The following C1orf54 variants were observed in gnomAD, a reference collection of about 807,000 sequenced individuals.
C1orf54 encodes the protein uncharacterized protein C1orf54.
In C1orf54, 12 loss-of-function variants were observed where a neutral mutation model predicts 14.7. That is an observed-to-expected ratio of 0.82 (90% CI 0.52 to 1.32). The LOEUF is 1.32. Ranked by LOEUF, C1orf54 falls within the 40% of genes most tolerant of loss-of-function variation. C1orf54 has a pLI of 0.00. For synonymous variants in C1orf54, 65 were observed against 56.3 expected (o/e 1.16, Z -0.70); for missense variants, 163 against 162.2 (o/e 1.00, Z -0.03).
intron 2 of C1orf54, among the ~76,000 whole-genome samples, chr1:150,275,155 C>T (rs916685624): frequency 6.6e-6 from 1 of 151,614 alleles, no homozygotes; most frequent in African/African-American, 2.4e-5. Flanking sequence ...TCTCTTGCCT[C>T]AGCCTCCTAG....
At chr1:150,273,157 G>A (rs16835652) in intron 1 of C1orf54, among the ~76,000 whole-genome samples, 6,712 of 152,194 alleles carry the variant, frequency 0.044, 498 homozygotes, top group African/African-American at 0.15. Flanking sequence ...AGATGACAGG[G>A]GCTAAAGTAA....
rs1365229435 is a variant in C1orf54, at chr1:150,280,825, G to C, written c.*4-10G>C. 1 of 1,549,474 alleles carries C rather than the reference G, an allele frequency of 6.5e-7. No individual in the cohort carries two copies. Among genetic ancestry groups the C allele is most frequent in the Non-Finnish European group, 8.7e-7 (1 of 1,146,550 alleles). On this transcript the variant is annotated splice_polypyrimidine_tract_variant and intron_variant, in intron 5 of 5. Transcript: ENST00000369099. Reference sequence around the variant, plus strand: ...CTCCTTTTATTTTCTTTCTTTCTCTGCTTTTTTAGGTGGAAGAAGGCTGCT... The same window carrying C: ...CTCCTTTTATTTTCTTTCTTTCTCTCCTTTTTTAGGTGGAAGAAGGCTGCT...
At chr1:150,279,268 TAAAC>T (rs1311279964) in intron 4 of C1orf54, among the ~76,000 whole-genome samples, 13 of 152,196 alleles carry the variant, frequency 8.5e-5, no homozygotes, top group South Asian at 2.1e-4. Context: ...TAATAATAAA[TAAAC>T]AAACAAATAA....
chr1:150,274,103 T>C lies in C1orf54; in HGVS notation c.63T>C (p.Asp21=). ...VPLILGQEYE[D]EERLGEDEYY... The stretch of plus-strand genomic sequence containing the variant: ...TCCCCATAGGACAAGAATATGAGGA[T>C]GAAGAAAGACTGGGAGAGGATGAAT... Residue 21 remains aspartate (D), a synonymous_variant, in exon 2 of 6, where the codon GAT becomes GAC. Transcript: ENST00000369099. 2 of 1,611,940 alleles carry C rather than the reference T, an allele frequency of 1.2e-6. No individual in the cohort carries two copies. Among genetic ancestry groups the C allele is most frequent in the Non-Finnish European group, 1.7e-6 (2 of 1,178,100 alleles).
At chr1:150,274,191 T>G in intron 2 of C1orf54, 21 bp downstream of exon 2, 1 of 1,547,308 alleles carries the variant, frequency 6.5e-7, no homozygotes, top group Non-Finnish European at 8.9e-7. Context: ...GAAAGGCTCT[T>G]GCCCTTAGCC....
intron 1 of C1orf54, 59 bp from the exon 2 acceptor site, chr1:150,274,028 G>A (rs367852296): frequency 8.4e-7 from 1 of 1,185,004 alleles, no homozygotes; most frequent in African/African-American, 1.5e-5. Flanking sequence ...ATCTCCAGGT[G>A]TCCTTTTGTT....
upstream of C1orf54, among the ~76,000 whole-genome samples, chr1:150,271,097 T>C (rs1354207266): frequency 4.6e-5 from 7 of 151,588 alleles, no homozygotes; most frequent in Non-Finnish European, 4.4e-5. Context: ...GTAAGGTGGA[T>C]AGGAATGAGA....
intron 4 of C1orf54, among the ~76,000 whole-genome samples, chr1:150,276,863 A>G (rs376420729): frequency 7.8e-4 from 119 of 152,340 alleles, no homozygotes; most frequent in African/African-American, 2.7e-3. Context: ...GTAGTATTCA[A>G]TAGGTATGTA....
In C1orf54 at chr1:150,279,615, C is replaced by T. The variant is rs1553853088; in HGVS notation, c.301-28C>T. The T allele has an allele frequency of 7.5e-6, 12 of 1,591,064 alleles. No individual in the cohort carries two copies. The East Asian group carries it at 2.8e-4, about 37-fold the overall frequency. On this transcript the variant is annotated intron_variant, in intron 4 of 5. Coordinates refer to ENST00000369099, the MANE Select transcript of C1orf54 (RefSeq NM_024579.4). ...TGGTAGGAGGAATGACACCAGCCTA[C>T]TGTGTGGGGATGTCGGTATTTTAGC...
rs782785681 is a variant in C1orf54, at chr1:150,276,625, C to A, written c.293C>A (p.Thr98Lys). The change falls in exon 4 of 6, where the codon ACG becomes AAG. Residue 98 changes from threonine to lysine, a missense_variant. Transcript: ENST00000369099. ...CCTGTAACTGTGAAACCAGTAACAA[C>A]GGAACCTGTGAGTTGATTGGGGATT... Reference protein sequence around the residue: ...PKPVTVKPVTTEPSPDLNDAV... With the variant: ...PKPVTVKPVTKEPSPDLNDAV... 12 of 1,612,642 alleles carry A rather than the reference C, an allele frequency of 7.4e-6. No individual in the cohort carries two copies. Among genetic ancestry groups the A allele is most frequent in the South Asian group, 1.1e-5 (1 of 91,032 alleles).
chr1:150,268,966 C>A, upstream of C1orf54: 1 of 615,446 alleles, frequency 1.6e-6, no homozygotes, highest in Non-Finnish European at 2.9e-6. Flanking sequence ...AGGGGGGGAA[C>A]CGAAACCCCA....
At chr1:150,271,240 G>A (rs1652189781), upstream of C1orf54, among the ~76,000 whole-genome samples, 1 of 151,826 alleles carries the variant, frequency 6.6e-6, no homozygotes, top group Non-Finnish European at 1.5e-5. Context: ...AGCCTCCCTA[G>A]TAGCTGGGAT....
At chr1:150,276,715 CT>C (rs1465587794) in intron 4 of C1orf54, 83 bp downstream of exon 4, 1 of 1,139,822 alleles carries the variant, frequency 8.8e-7, no homozygotes, top group African/African-American at 1.5e-5. Context: ...GAATACCAGG[CT>C]TTGGTGGATG....
chr1:150,270,666 T>G (rs1434147408), upstream of C1orf54, among the ~76,000 whole-genome samples: 3 of 149,006 alleles, frequency 2.0e-5, no homozygotes, highest in Non-Finnish European at 4.5e-5. Flanking sequence ...AGAAAATATT[T>G]ACATGGAAAG....
At chr1:150,278,019 C>T (rs1352199690) in intron 4 of C1orf54, among the ~76,000 whole-genome samples, 2 of 152,138 alleles carry the variant, frequency 1.3e-5, no homozygotes, top group Admixed American at 6.5e-5. Flanking sequence ...ATCGCTTGAA[C>T]CTGGGAGGCG....
rs1553852314 is a variant in C1orf54, at chr1:150,275,723, T to A, written c.131-18T>A. ...ACATTTTTCTTTAATTATTACTGAT[T>A]TTCTTTCTCCTCTGCAGATGACTTT... On this transcript the variant is annotated intron_variant, in intron 2 of 5. Coordinates refer to ENST00000369099, the MANE Select transcript of C1orf54 (RefSeq NM_024579.4). 6.3e-7 allele frequency: 1 copy of A among 1,594,104 alleles called. No homozygotes were observed. Among genetic ancestry groups the A allele is most frequent in the Admixed American group, 1.7e-5 (1 of 59,426 alleles).
chr1:150,276,663 G>A lies in C1orf54; in HGVS notation c.300+31G>A, dbSNP rs782074662. ...TTGATTGGGGATTGGGGGCTGGGGG[G>A]AGACAGGACATCCCTAGTGACGTGG... On this transcript the variant is annotated intron_variant, in intron 4 of 5. Transcript: ENST00000369099. The A allele has an allele frequency of 5.8e-6, 9 of 1,543,900 alleles. No homozygotes were observed. In the Admixed American group the frequency reaches 1.2e-4, roughly 20 times the overall value.
At chr1:150,268,954 G>T (rs199642580), upstream of C1orf54, 5 of 655,568 alleles carry the variant, frequency 7.6e-6, no homozygotes, top group Non-Finnish European at 1.0e-5. Flanking sequence ...CGGGGAAGGG[G>T]AAGGGGGGGA....
At chr1:150,275,044 A>T (rs113775984) in intron 2 of C1orf54, among the ~76,000 whole-genome samples, 12,858 of 148,826 alleles carry the variant, frequency 0.086, 727 homozygotes, top group Non-Finnish European at 0.13. Flanking sequence ...AGAAAAAAAA[A>T]TTTTTTTTTT....
Sources: gnomAD v4.1 joint callset for allele counts (sites outside exome capture counted in the v4.1 genomes callset) on GRCh38, gnomAD v4.1.1 for gene constraint, MANE v1.5 for transcripts, NCBI Gene and HGNC (gene_info 2026-07-23, HGNC 2026-07-21) for gene names.